Variants in LRP1B observed in about 807,000 individuals in gnomAD.
LRP1B encodes the protein low-density lipoprotein receptor-related protein 1B.
A neutral mutation model predicts 556.6 loss-of-function variants in LRP1B; 217 were observed. The observed-to-expected ratio is 0.39, with a 90% CI of 0.35 to 0.44. The LOEUF (loss-of-function observed/expected upper bound fraction) is 0.44. Ranked by LOEUF, LRP1B falls within the 20% of genes least tolerant of loss-of-function variation. LRP1B has a pLI of 1.00. For synonymous variants in LRP1B, 2,047 were observed against 1,865.8 expected (o/e 1.10, Z -2.50); for missense variants, 5,053 against 5,620.8 (o/e 0.90, Z 3.23).
At chr2:141,017,573 T>C (rs1387688895) in intron 12 of LRP1B, among the ~76,000 whole-genome samples, 1 of 151,866 alleles carries the variant, frequency 6.6e-6, no homozygotes, top group African/African-American at 2.4e-5. Flanking sequence ...ATCCAGCACC[T>C]AAAATTATTT....
intron 6 of LRP1B, among the ~76,000 whole-genome samples, chr2:141,203,334 G>T (rs1426972938): frequency 6.6e-6 from 1 of 151,678 alleles, no homozygotes; most frequent in Admixed American, 6.6e-5. Context: ...AAAGTAAAGG[G>T]ATGGAAGAAT....
chr2:140,951,837 T>G (rs1991540), intron 19 of LRP1B, 23 bp downstream of exon 19: 113,890 of 1,583,564 alleles, frequency 0.072, 6,218 homozygotes, highest in East Asian at 0.26. Context: ...ATTAGTGCTA[T>G]ACAGTGAGCA....
Position 140,231,567 on chromosome 2 carries a change from A to G in LRP1B, c.*1619T>C, listed in dbSNP as rs2104867232. The G allele has an allele frequency of 6.6e-6, 1 of 151,954 alleles. No individual in the cohort carries two copies. The highest frequency in any genetic ancestry group is 2.0e-4 in the East Asian group (1 of 5,104). The allele number at this position is 151,954 out of a possible 1,614,324, so 9.4% of individuals were successfully genotyped here. On this transcript the variant is annotated 3_prime_UTR_variant, in exon 91 of 91. Transcript: ENST00000389484. ...TCAATTTAAAAAATGTACTTAAACA[A>G]GAACCTGAAAAAGTTTATGATATGC...
At chr2:140,548,615 C>T (rs1215213434) in intron 43 of LRP1B, among the ~76,000 whole-genome samples, 1 of 152,056 alleles carries the variant, frequency 6.6e-6, no homozygotes, top group Non-Finnish European at 1.5e-5. Flanking sequence ...ACATCTCTCT[C>T]CCTCATCCTC....
intron 2 of LRP1B, among the ~76,000 whole-genome samples, chr2:141,486,231 T>C (rs1015230402): frequency 2.6e-5 from 4 of 152,178 alleles, no homozygotes; most frequent in African/African-American, 9.7e-5. Flanking sequence ...GGCTAGTATT[T>C]ATACTTTTAA....
intron 62 of LRP1B, among the ~76,000 whole-genome samples, chr2:140,452,403 G>A (rs552605396): frequency 1.3e-4 from 20 of 152,056 alleles, no homozygotes; most frequent in South Asian, 4.2e-4. Context: ...TAAACCAAGC[G>A]GTATATAACG....
At chr2:141,126,383 G>A (rs907774460) in intron 7 of LRP1B, among the ~76,000 whole-genome samples, 8 of 152,024 alleles carry the variant, frequency 5.3e-5, no homozygotes, top group East Asian at 1.9e-4. Context: ...CTCGCCATTC[G>A]ATTCTAGAGG....
At chr2:140,740,281 C>T (rs528828998) in intron 35 of LRP1B, among the ~76,000 whole-genome samples, 6 of 152,038 alleles carry the variant, frequency 3.9e-5, no homozygotes, top group Non-Finnish European at 5.9e-5. Context: ...CATCAATCAA[C>T]GGGTAGATAA....
intron 3 of LRP1B, among the ~76,000 whole-genome samples, chr2:141,343,724 T>G (rs1212320270): frequency 2.0e-5 from 3 of 152,200 alleles, no homozygotes; most frequent in African/African-American, 7.2e-5. Flanking sequence ...TGCTTTGAGC[T>G]CTGTAAATTT....
intron 50 of LRP1B, 67 bp downstream of exon 50, chr2:140,516,822 A>G: frequency 4.8e-6 from 7 of 1,446,912 alleles, no homozygotes; most frequent in South Asian, 4.8e-5. Context: ...AAATCCCTAC[A>G]TAAGAGAATA....
Position 141,103,886 on chromosome 2 carries a change from G to C in LRP1B, c.1014-41613C>G, listed in dbSNP as rs1264524362. 3.3e-5 allele frequency among the ~76,000 whole-genome samples: 5 copies of C among 151,782 alleles called. No homozygotes were observed. In the East Asian group the frequency reaches 9.7e-4, roughly 29 times the overall value. Reference sequence around the variant, plus strand: ...GTCTTTTTTCAAAGAGGTATTCTGAGGAGCAAATTATTTTGTACCAACCAC... The same window carrying C: ...GTCTTTTTTCAAAGAGGTATTCTGACGAGCAAATTATTTTGTACCAACCAC... On this transcript the variant is annotated intron_variant, in intron 7 of 90. Transcript: ENST00000389484.
At chr2:140,728,559 A>C (rs1485887144) in intron 35 of LRP1B, among the ~76,000 whole-genome samples, 1 of 152,198 alleles carries the variant, frequency 6.6e-6, no homozygotes, top group African/African-American at 2.4e-5. Context: ...TTCAGTAAGA[A>C]AAAAGCAGAA....
chr2:140,238,093 A>G (rs1387611587), intron 89 of LRP1B, 59 bp downstream of exon 89: 4 of 1,462,370 alleles, frequency 2.7e-6, no homozygotes, highest in Non-Finnish European at 3.7e-6. Flanking sequence ...AGAACCATAA[A>G]ACAGAGATGC....
At chr2:141,913,530 C>T (rs920796832) in intron 1 of LRP1B, among the ~76,000 whole-genome samples, 4 of 152,056 alleles carry the variant, frequency 2.6e-5, no homozygotes, top group South Asian at 2.1e-4. Context: ...GAACAGACAA[C>T]AGTTGGTTTT....
At chr2:140,861,686 C>T (rs1461830976) in intron 27 of LRP1B, among the ~76,000 whole-genome samples, 1 of 152,178 alleles carries the variant, frequency 6.6e-6, no homozygotes, top group East Asian at 1.9e-4. Flanking sequence ...GAAAGTTATA[C>T]TAATAGCTAA....
chr2:141,731,911 G>A (rs1265161676), intron 2 of LRP1B, among the ~76,000 whole-genome samples: 2 of 152,072 alleles, frequency 1.3e-5, no homozygotes, highest in Non-Finnish European at 2.9e-5. Context: ...CATTTGAGAA[G>A]GTTGTCTATT....
chr2:140,447,431 G>A (rs1198123173), intron 63 of LRP1B, among the ~76,000 whole-genome samples: 1 of 151,654 alleles, frequency 6.6e-6, no homozygotes, highest in Non-Finnish European at 1.5e-5. Context: ...TAAAAGTTAT[G>A]TTTACACTAT....
chr2:141,242,589 T>C (rs1043520649), intron 5 of LRP1B, among the ~76,000 whole-genome samples: 3 of 152,092 alleles, frequency 2.0e-5, no homozygotes, highest in African/African-American at 4.8e-5. Flanking sequence ...TAAGCTGTAA[T>C]AGAATCCTGA....
chr2:141,906,298 G>A (rs557902841), intron 1 of LRP1B, among the ~76,000 whole-genome samples: 49 of 151,486 alleles, frequency 3.2e-4, no homozygotes, highest in Non-Finnish European at 5.5e-4. Flanking sequence ...ATATAGACAC[G>A]ACACAAATTA....
Sources: allele counts gnomAD v4.1 joint callset (sites outside exome capture counted in the v4.1 genomes callset), GRCh38; gene constraint gnomAD v4.1.1; transcripts MANE v1.5; gene names NCBI Gene and HGNC (gene_info 2026-07-23, HGNC 2026-07-21).